PDE8A: variants seen among roughly 807,000 people sequenced by gnomAD.
The protein encoded by PDE8A is phosphodiesterase 8A.
Under a neutral mutation model 105.0 loss-of-function variants are expected in PDE8A, and 59 were observed. That is an observed-to-expected ratio of 0.56 (90% confidence interval 0.46 to 0.70). PDE8A has a LOEUF of 0.70. Ranked by LOEUF, PDE8A falls within the 30% of genes least tolerant of loss-of-function variation. The pLI, the probability that PDE8A is intolerant of heterozygous loss-of-function variation, is 0.00. For synonymous variants in PDE8A, 355 were observed against 371.9 expected (o/e 0.95, Z 0.52); for missense variants, 1,014 against 1,045.9 (o/e 0.97, Z 0.42).
chr15:85,121,765 G>A (rs964110515), intron 18 of PDE8A, among the ~76,000 whole-genome samples: 1 of 152,114 alleles, frequency 6.6e-6, no homozygotes, highest in South Asian at 2.1e-4. Context: ...TTTATGAGCA[G>A]TTCCTTTCCA....
At chr15:85,132,888 C>T (rs1338280177) in intron 20 of PDE8A, among the ~76,000 whole-genome samples, 1 of 152,026 alleles carries the variant, frequency 6.6e-6, no homozygotes, top group Non-Finnish European at 1.5e-5. Context: ...ATATTTAAGA[C>T]AGTTGTTTTC....
chr15:84,989,743 A>C (rs1422198775), intron 1 of PDE8A, among the ~76,000 whole-genome samples: 1 of 152,172 alleles, frequency 6.6e-6, no homozygotes, highest in Non-Finnish European at 1.5e-5. Context: ...AGGATTGACC[A>C]TTTTCTTATG....
At chr15:85,067,227 A>G (rs1255995641) in intron 3 of PDE8A, 23 bp downstream of exon 3, 46 of 1,567,900 alleles carry the variant, frequency 2.9e-5, no homozygotes, top group Non-Finnish European at 3.9e-5. Context: ...CTCGGGCCTA[A>G]ATAGTCCCAT....
rs1596539344 is a variant in PDE8A at position 85,120,864 on chromosome 15, C to G, written c.1802C>G (p.Pro601Arg). 2 of 1,614,068 alleles carry G rather than the reference C, an allele frequency of 1.2e-6. No homozygotes were observed. Among genetic ancestry groups the G allele is most frequent in the Non-Finnish European group, 8.5e-7 (1 of 1,179,922 alleles). ...GCCACCATTCATGATGTGGATCACC[C>G]TGGGAGAACCAACTCCTTCCTGTGT... is the stretch of plus-strand genomic sequence containing the variant. ...IAATIHDVDH[P>R]GRTNSFLCNA... The change falls in exon 18 of 22, where the codon CCT becomes CGT. Residue 601 changes from proline to arginine, a missense_variant. Physicochemically the swap from Pro to Arg is moderately radical, Grantham distance 103 (BLOSUM62 -2). Transcript: ENST00000394553.
intron 17 of PDE8A, among the ~76,000 whole-genome samples, chr15:85,119,426 C>T (rs1201385326): frequency 8.3e-6 from 1 of 120,130 alleles, no homozygotes; most frequent in African/African-American, 3.1e-5. Flanking sequence ...CAAGATCATG[C>T]TATTGCATTG....
intron 3 of PDE8A, 50 bp downstream of exon 3, chr15:85,067,254 ACATG>A: frequency 7.7e-7 from 1 of 1,301,314 alleles, no homozygotes; most frequent in Non-Finnish European, 1.1e-6. Context: ...TTCTGACAAT[ACATG>A]CAGCCTAGAA....
At chr15:85,109,651 G>T (rs2081993947) in intron 12 of PDE8A, among the ~76,000 whole-genome samples, 1 of 152,188 alleles carries the variant, frequency 6.6e-6, no homozygotes, top group Non-Finnish European at 1.5e-5. Context: ...GAGTGTGGAG[G>T]CAGGTATTGC....
chr15:85,074,146 T>A lies in PDE8A; in HGVS notation c.435-1716T>A, dbSNP rs143222574. 3.0e-4 allele frequency among the ~76,000 whole-genome samples: 45 copies of A among 152,322 alleles called. No individual in the cohort carries two copies. In the East Asian group the frequency reaches 6.4e-3, roughly 22 times the overall value. ...AGCTGCTTTTCCATTCCTGAGCAACTTCCCTACCCCTGGCCTATTCTGCAT... is the reference window on the plus strand; with the variant it reads ...AGCTGCTTTTCCATTCCTGAGCAACATCCCTACCCCTGGCCTATTCTGCAT... On this transcript the variant is annotated intron_variant, in intron 3 of 21. Coordinates refer to ENST00000394553, the MANE Select transcript of PDE8A (RefSeq NM_002605.3).
At chr15:85,088,172 A>G (rs1033173645) in intron 6 of PDE8A, among the ~76,000 whole-genome samples, 3 of 152,184 alleles carry the variant, frequency 2.0e-5, no homozygotes, top group African/African-American at 7.2e-5. Context: ...GGCGCCTGCC[A>G]CCATGCCTTG....
At chr15:85,001,446 A>T (rs1199241281) in intron 1 of PDE8A, among the ~76,000 whole-genome samples, 1 of 152,200 alleles carries the variant, frequency 6.6e-6, no homozygotes, top group Non-Finnish European at 1.5e-5. Flanking sequence ...TGCTCAGAGG[A>T]TGGAGAGGTT....
At chr15:85,049,719 ATTTG>A (rs2080942544) in intron 1 of PDE8A, among the ~76,000 whole-genome samples, 1 of 152,074 alleles carries the variant, frequency 6.6e-6, no homozygotes, top group South Asian at 2.1e-4. Context: ...GGCTTTGTTT[ATTTG>A]TTCATCTGTC....
intron 21 of PDE8A, among the ~76,000 whole-genome samples, 155 bp from the exon 22 acceptor site, chr15:85,137,642 C>G (rs1250821896): frequency 6.6e-6 from 1 of 152,196 alleles, no homozygotes. Flanking sequence ...CAGTCAGCCA[C>G]GGCTCGTTGA....
At chr15:85,137,755 A>T in intron 21 of PDE8A, 42 bp from the exon 22 acceptor site, 1 of 1,230,080 alleles carries the variant, frequency 8.1e-7, no homozygotes, top group Non-Finnish European at 1.2e-6. Flanking sequence ...AAATGTAAAC[A>T]GAGGCTGTGA....
chr15:85,134,270 G>A (rs545797026), intron 20 of PDE8A, among the ~76,000 whole-genome samples: 43 of 152,300 alleles, frequency 2.8e-4, no homozygotes, highest in African/African-American at 9.6e-4. Flanking sequence ...CTGAGCTAAC[G>A]GAGCCTTTGC....
intron 3 of PDE8A, among the ~76,000 whole-genome samples, chr15:85,072,242 G>C (rs1471753431): frequency 6.6e-6 from 1 of 152,166 alleles, no homozygotes; most frequent in East Asian, 1.9e-4. Flanking sequence ...TTGTGCTTTT[G>C]TGAAACTTAA....
At chr15:85,033,742 G>A (rs1288027868) in intron 1 of PDE8A, among the ~76,000 whole-genome samples, 2 of 152,172 alleles carry the variant, frequency 1.3e-5, no homozygotes, top group Admixed American at 6.5e-5. Context: ...GCGGGCGCCT[G>A]TAATCCCAGC....
chr15:85,098,937 A>G (rs990521993), intron 9 of PDE8A, among the ~76,000 whole-genome samples: 1 of 152,162 alleles, frequency 6.6e-6, no homozygotes, highest in Admixed American at 6.5e-5. Context: ...AGCCTGGGCA[A>G]CAAAGTAAGA....
At chr15:85,106,503 A>G (rs2081949650) in intron 11 of PDE8A, among the ~76,000 whole-genome samples, 1 of 152,204 alleles carries the variant, frequency 6.6e-6, no homozygotes, top group Non-Finnish European at 1.5e-5. Flanking sequence ...TGAAGGAACA[A>G]ATAATCATAA....
intron 1 of PDE8A, among the ~76,000 whole-genome samples, chr15:85,030,259 G>T (rs1375396622): frequency 6.6e-6 from 1 of 151,830 alleles, no homozygotes; most frequent in Non-Finnish European, 1.5e-5. Context: ...TCTCCTGCTT[G>T]TGGAATATCT....
Sources: allele counts gnomAD v4.1 joint callset (sites outside exome capture counted in the v4.1 genomes callset), GRCh38; gene constraint gnomAD v4.1.1; transcripts MANE v1.5; gene names NCBI Gene and HGNC (gene_info 2026-07-23, HGNC 2026-07-21).